SYNPR: variants seen among roughly 807,000 people sequenced by gnomAD.
The protein encoded by SYNPR is synaptoporin.
SYNPR carries 23 observed loss-of-function variants against 32.9 expected under a neutral mutation model. That is an observed-to-expected ratio of 0.70 (90% confidence interval 0.50 to 0.99). The LOEUF (loss-of-function observed/expected upper bound fraction) is 0.99, where lower values mean the gene tolerates loss of function less well. Among genes scored for constraint, SYNPR ranks in the 50% least tolerant of loss-of-function variants. SYNPR has a pLI of 0.00. For synonymous variants in SYNPR, 146 were observed against 135.9 expected (o/e 1.07, Z -0.52); for missense variants, 318 against 349.3 (o/e 0.91, Z 0.71).
chr3:63,533,476 T>G (rs1000552959), intron 3 of SYNPR, among the ~76,000 whole-genome samples: 3 of 152,164 alleles, frequency 2.0e-5, no homozygotes, highest in African/African-American at 7.2e-5. Context: ...CTGAGAATTA[T>G]CAGGGATAGA....
chr3:63,593,462 G>T (rs1378884214), intron 4 of SYNPR, among the ~76,000 whole-genome samples: 1 of 152,084 alleles, frequency 6.6e-6, no homozygotes, highest in Non-Finnish European at 1.5e-5. Flanking sequence ...GCCTGTAACT[G>T]AAATAAAGAG....
chr3:63,242,723 A>G (rs2086257656), intron 1 of SYNPR, among the ~76,000 whole-genome samples: 1 of 152,084 alleles, frequency 6.6e-6, no homozygotes, highest in African/African-American at 2.4e-5. Context: ...GAATTGCTGG[A>G]TGAGGAGTGA....
chr3:63,541,309 T>C (rs1575701256), intron 3 of SYNPR, among the ~76,000 whole-genome samples: 2 of 152,054 alleles, frequency 1.3e-5, no homozygotes, highest in Admixed American at 1.3e-4. Context: ...TCAGAAGACA[T>C]TCCTCTAATT....
chr3:63,463,213 G>A (rs796679239), intron 2 of SYNPR, among the ~76,000 whole-genome samples: 13 of 152,180 alleles, frequency 8.5e-5, no homozygotes, highest in African/African-American at 2.6e-4. Flanking sequence ...TTATTTTACC[G>A]TTGCAATGAA....
chr3:63,615,417 G>A lies in SYNPR; in HGVS notation c.794G>A (p.Gly265Glu), dbSNP rs755011899. The A allele has an allele frequency of 2.5e-6, 4 of 1,613,834 alleles. No individual in the cohort carries two copies. In the South Asian group the frequency reaches 4.4e-5, roughly 18 times the overall value. The part of the protein sequence containing the change: ...SSGYSQQASL[G>E]PTSDEFGQQP... ...GGGTACAGTCAGCAGGCGAGTTTGG[G>A]GCCAACCTCAGATGAGTTTGGCCAA... is the stretch of plus-strand genomic sequence containing the variant. Residue 265 changes from glycine to glutamate, a missense_variant, in exon 6 of 6, where the codon GGG becomes GAG. Physicochemically the swap from Gly to Glu is moderately conservative, Grantham distance 98 (BLOSUM62 -2). Transcript: ENST00000478300.
At chr3:63,512,730 A>T (rs1180896335) in intron 3 of SYNPR, among the ~76,000 whole-genome samples, 1 of 152,182 alleles carries the variant, frequency 6.6e-6, no homozygotes, top group Admixed American at 6.6e-5. Flanking sequence ...TTCTCGTCAG[A>T]GGCTCAAGAA....
In SYNPR at chr3:63,611,644, A is replaced by C. The variant is rs185416983; in HGVS notation, c.600+2328A>C. Among the ~76,000 whole-genome samples, 11 of 152,226 alleles carry C rather than the reference A, an allele frequency of 7.2e-5. No individual in the cohort carries two copies. In the East Asian group the frequency reaches 1.2e-3, roughly 16 times the overall value. ...TTTCTGTGTCCCTGTCCCTTTCTGC[A>C]TGTTTGTTACATTATTCTCTCTTTT... On this transcript the variant is annotated intron_variant, in intron 5 of 5. Coordinates refer to ENST00000478300, the MANE Select transcript of SYNPR (RefSeq NM_001130003.2).
chr3:63,398,775 T>A (rs962296545), intron 2 of SYNPR, among the ~76,000 whole-genome samples: 2 of 151,154 alleles, frequency 1.3e-5, no homozygotes, highest in East Asian at 1.9e-4. Context: ...AGATAACAGA[T>A]AACAGTAACT....
chr3:63,283,809 C>CCT (rs2086654372), intron 2 of SYNPR, among the ~76,000 whole-genome samples: 1 of 129,926 alleles, frequency 7.7e-6, no homozygotes, highest in Non-Finnish European at 1.6e-5. Flanking sequence ...CAGATAATTA[C>CCT]CTTTTTTTTT....
the SYNPR span, among the ~76,000 whole-genome samples, chr3:63,217,732 T>G: frequency 1.3e-5 from 2 of 152,162 alleles, no homozygotes; most frequent in African/African-American, 4.8e-5. Context: ...CTTTCTTTAG[T>G]TGGGGATTTA....
intron 2 of SYNPR, among the ~76,000 whole-genome samples, chr3:63,448,473 T>C (rs558358388): frequency 3.3e-5 from 5 of 152,348 alleles, no homozygotes; most frequent in East Asian, 1.9e-4. Flanking sequence ...AGTCACCATA[T>C]TGACATTCAC....
intron 2 of SYNPR, among the ~76,000 whole-genome samples, chr3:63,279,939 C>CT (rs775952819): frequency 6.6e-6 from 1 of 152,184 alleles, no homozygotes; most frequent in Non-Finnish European, 1.5e-5. Flanking sequence ...AACTGTTTCC[C>CT]TTACAGTCAA....
At chr3:63,243,223 A>G (rs919165368) in intron 1 of SYNPR, among the ~76,000 whole-genome samples, 12 of 152,076 alleles carry the variant, frequency 7.9e-5, no homozygotes, top group Non-Finnish European at 1.6e-4. Context: ...AGCACCCTAA[A>G]CTCTAAATAG....
chr3:63,207,546 A>G, the SYNPR span, among the ~76,000 whole-genome samples: 1 of 152,288 alleles, frequency 6.6e-6, no homozygotes, highest in East Asian at 1.9e-4. Context: ...CTTTATATGG[A>G]CTTATCTAAA....
chr3:63,559,622 G>C (rs9853961), intron 4 of SYNPR, among the ~76,000 whole-genome samples: 53,756 of 151,538 alleles, frequency 0.35, 9,769 homozygotes, highest in South Asian at 0.47. Context: ...GAAAGGACTA[G>C]AAAATGTTCA....
chr3:63,381,875 T>C (rs1019771220), intron 2 of SYNPR, among the ~76,000 whole-genome samples: 5 of 152,200 alleles, frequency 3.3e-5, no homozygotes, highest in Non-Finnish European at 4.4e-5. Context: ...TGCTTTTAAG[T>C]GTACATCTTT....
At chr3:63,583,655 G>A (rs1313483506) in intron 4 of SYNPR, among the ~76,000 whole-genome samples, 1 of 152,076 alleles carries the variant, frequency 6.6e-6, no homozygotes, top group Non-Finnish European at 1.5e-5. Flanking sequence ...CAGTAATCAG[G>A]CATATTAGCT....
At chr3:63,261,912 G>A (rs186337333) in intron 2 of SYNPR, among the ~76,000 whole-genome samples, 7 of 151,486 alleles carry the variant, frequency 4.6e-5, no homozygotes, top group Admixed American at 1.3e-4. Context: ...AGCATTAGGA[G>A]ATATACCTAA....
At chr3:63,544,909 G>C (rs1702373793) in intron 3 of SYNPR, among the ~76,000 whole-genome samples, 1 of 151,698 alleles carries the variant, frequency 6.6e-6, no homozygotes, top group Admixed American at 6.6e-5. Flanking sequence ...TGAATATGGT[G>C]CTTTTATTTC....
Sources: gnomAD v4.1 joint callset for allele counts (sites outside exome capture counted in the v4.1 genomes callset) on GRCh38, gnomAD v4.1.1 for gene constraint, MANE v1.5 for transcripts, NCBI Gene and HGNC (gene_info 2026-07-23, HGNC 2026-07-21) for gene names.